The following CTBP1 variants were observed in gnomAD, a reference collection of about 807,000 sequenced individuals.
CTBP1 encodes C-terminal binding protein 1.
A neutral mutation model predicts 42.1 loss-of-function variants in CTBP1; 11 were observed. The ratio of observed to expected loss-of-function variants is 0.26; its 90% confidence interval spans 0.16 to 0.43. The LOEUF (loss-of-function observed/expected upper bound fraction) is 0.43, where lower values mean the gene tolerates loss of function less well. Among genes scored for constraint, CTBP1 ranks in the 20% least tolerant of loss-of-function variants. CTBP1 has a pLI of 1.00. For missense variants in CTBP1, 399 were observed against 624.3 expected (o/e 0.64, Z 3.85); for synonymous variants, 324 against 277.1 (o/e 1.17, Z -1.68).
rs1728601363 is a variant in CTBP1 at position 1,212,147 on chromosome 4, A to G, written c.*93T>C. On this transcript the variant is annotated 3_prime_UTR_variant, in exon 10 of 10. Transcript: ENST00000382952. ...AGCCCGGACCAGTCTCTGCAGTGCC[A>G]GGGCCACCACACAGATGCCTCCTCC... 12 of 1,123,554 alleles carry G rather than the reference A, an allele frequency of 1.1e-5. No homozygotes were observed. In the South Asian group the frequency reaches 2.5e-4, roughly 23 times the overall value. 69.6% of individuals were successfully genotyped at this position (1,123,554 alleles called of 1,614,324 possible).
chr4:1,242,053 C>T (rs761067923), intron 1 of CTBP1: 13 of 987,828 alleles, frequency 1.3e-5, no homozygotes, highest in African/African-American at 1.7e-5. Context: ...TGAGCCGCGC[C>T]GGCTCCACCT....
chr4:1,244,633 G>C, intron 1 of CTBP1: 1 of 985,180 alleles, frequency 1.0e-6, no homozygotes, highest in Non-Finnish European at 1.2e-6. Context: ...CCCTAAAGCC[G>C]CTGCCCAGGA....
At position 1,244,034 on chromosome 4, in the gene CTBP1, G is replaced by A. The variant is rs1003515490; in HGVS notation, c.-188-2515C>T. On this transcript the variant is annotated intron_variant, in intron 1 of 9. Transcript: ENST00000382952. The stretch of plus-strand genomic sequence containing the variant: ...CTCTAAAACAAAAACTGATTTTAAA[G>A]TAAATGGGGGTGAGGTGAGGGGCAG... 8.1e-6 allele frequency: 8 copies of A among 985,322 alleles called. No individual in the cohort carries two copies. The African/African-American group carries it at 1.2e-4, about 15-fold the overall frequency. 61.0% of individuals were successfully genotyped at this position (985,322 alleles called of 1,614,324 possible).
At chr4:1,245,429 C>G in intron 1 of CTBP1, 1 of 985,424 alleles carries the variant, frequency 1.0e-6, no homozygotes, top group Non-Finnish European at 1.2e-6. Context: ...CCTTCCTCCC[C>G]TTCCCAACAC....
rs1042541520 is a variant in CTBP1 at position 1,214,693 on chromosome 4, G to A, written c.730-220C>T. ...GGATCTGCCCTGTATGGACCTGCAC[G>A]GCCCCACAGCTCCTAGAGAGCTCCA... is the stretch of plus-strand genomic sequence containing the variant. On this transcript the variant is annotated intron_variant, in intron 6 of 9. Coordinates refer to ENST00000382952, the MANE Select transcript of CTBP1 (RefSeq NM_001012614.2). Among the ~76,000 whole-genome samples the A allele has an allele frequency of 5.9e-5, 9 of 152,250 alleles. No homozygotes were observed. The South Asian group carries it at 6.2e-4, about 10-fold the overall frequency.
intron 3 of CTBP1, chr4:1,236,777 C>T (rs1425737510): frequency 3.1e-6 from 2 of 652,220 alleles, no homozygotes; most frequent in Non-Finnish European, 2.8e-6. Context: ...AGGACAAACC[C>T]GGTGTCCACC....
At chr4:1,230,645 G>T (rs1052194159) in intron 3 of CTBP1, among the ~76,000 whole-genome samples, 46 of 152,232 alleles carry the variant, frequency 3.0e-4, no homozygotes, top group African/African-American at 1.1e-3. Flanking sequence ...GTGTACGCAG[G>T]CAACAGCCTG....
At chr4:1,237,363 T>C in intron 3 of CTBP1, 2 of 671,692 alleles carry the variant, frequency 3.0e-6, no homozygotes, top group South Asian at 3.0e-5. Context: ...GAAAACCCCA[T>C]GTCCACCTCC....
rs561228687 is a variant in CTBP1 at position 1,237,901 on chromosome 4, A to G, written c.162+282T>C. 266 of 697,568 alleles carry G rather than the reference A, an allele frequency of 3.8e-4. 1 individual carries two copies. The highest frequency in any genetic ancestry group is 1.7e-3 in the South Asian group (113 of 67,360). The allele number at this position is 697,568 out of a possible 1,614,324, so 43.2% of individuals were successfully genotyped here. The stretch of plus-strand genomic sequence containing the variant: ...GGGCAAACCGAATGTCCACCTCCTG[A>G]TGGGGCTCAGGACAAACGTGGTGTC... On this transcript the variant is annotated intron_variant, in intron 3 of 9. Transcript: ENST00000382952.
intron 3 of CTBP1, chr4:1,234,742 T>C (rs1427402154): frequency 6.6e-6 from 1 of 152,216 alleles, no homozygotes; most frequent in Non-Finnish European, 1.5e-5. Flanking sequence ...CAAATCCAGC[T>C]TCCCAATGAG....
intron 6 of CTBP1, among the ~76,000 whole-genome samples, chr4:1,215,001 C>T (rs1233538231): frequency 1.3e-5 from 2 of 152,240 alleles, no homozygotes; most frequent in Non-Finnish European, 2.9e-5. Context: ...CCCTCGGCTT[C>T]GTGGCCAGGG....
intron 7 of CTBP1, 95 bp from the exon 8 acceptor site, chr4:1,213,700 CTG>C (rs1728789823): frequency 2.0e-6 from 3 of 1,486,940 alleles, no homozygotes; most frequent in Non-Finnish European, 2.7e-6. Flanking sequence ...GTGGGGGGCC[CTG>C]CCTGGGAACC....
At chr4:1,245,144 G>C (rs1227859554) in intron 1 of CTBP1, 1 of 985,310 alleles carries the variant, frequency 1.0e-6, no homozygotes, top group Admixed American at 6.2e-5. Flanking sequence ...AGTCATCCAC[G>C]AGCCGATACG....
chr4:1,243,962 A>C, intron 1 of CTBP1: 2 of 985,420 alleles, frequency 2.0e-6, no homozygotes, highest in South Asian at 9.4e-5. Flanking sequence ...GTGAGTGTAG[A>C]GCACATGGAA....
chr4:1,229,222 G>A (rs895568475), intron 3 of CTBP1, among the ~76,000 whole-genome samples: 18 of 152,326 alleles, frequency 1.2e-4, no homozygotes, highest in African/African-American at 4.3e-4. Flanking sequence ...AGTGCCCTAG[G>A]CCGAAGAACC....
intron 1 of CTBP1, chr4:1,248,584 G>T: frequency 4.2e-6 from 3 of 719,872 alleles, no homozygotes; most frequent in Non-Finnish European, 5.1e-6. Flanking sequence ...TGCCGTCCCG[G>T]GTCCGACGGG....
rs1471758405 is a variant in CTBP1 at position 1,213,625 on chromosome 4, G to A, written c.861-20C>T. On this transcript the variant is annotated intron_variant, in intron 7 of 9. Transcript: ENST00000382952. ...CTAAAGCTGGGAACAGCACAGGCAT[G>A]GTCAGTGCAGCCTGAGTGCTGTGGC... 6.8e-6 allele frequency: 11 copies of A among 1,610,742 alleles called. No homozygotes were observed. The African/African-American group carries it at 9.3e-5, about 14-fold the overall frequency.
In CTBP1 at chr4:1,247,777, G is replaced by GGA. The variant is rs1560291587; in HGVS notation, c.-189+1138_-189+1139insTC. Among the ~76,000 whole-genome samples the GGA allele has an allele frequency of 2.0e-5, 3 of 151,174 alleles. 1 individual carries two copies. The highest frequency in any genetic ancestry group is 2.1e-4 in the South Asian group (1 of 4,762). On this transcript the variant is annotated intron_variant, in intron 1 of 9. Transcript: ENST00000382952. ...GTGGAGAGGCCGGGGAGGGGGGGGG[G>GGA]GCTCGGGCTCAACGGAACACCCTGC...
At chr4:1,227,300 T>A (rs1730458260) in intron 4 of CTBP1, among the ~76,000 whole-genome samples, 1 of 152,028 alleles carries the variant, frequency 6.6e-6, no homozygotes, top group African/African-American at 2.4e-5. Context: ...CAGATGAGTG[T>A]GCGTGATCCG....
Sources: gnomAD v4.1 joint callset for allele counts (sites outside exome capture counted in the v4.1 genomes callset) on GRCh38, gnomAD v4.1.1 for gene constraint, MANE v1.5 for transcripts, NCBI Gene and HGNC (gene_info 2026-07-23, HGNC 2026-07-21) for gene names.